Variants in PRKG1 observed in about 807,000 individuals in gnomAD.
PRKG1 encodes protein kinase cGMP-dependent 1, also known as cGMP-dependent protein kinase 1.
A neutral mutation model predicts 88.1 loss-of-function variants in PRKG1; 35 were observed. That is an observed-to-expected ratio of 0.40 (90% CI 0.30 to 0.53). The LOEUF (loss-of-function observed/expected upper bound fraction) is 0.53. Ranked by LOEUF, PRKG1 falls within the 20% of genes least tolerant of loss-of-function variation. PRKG1 has a pLI of 0.59. For synonymous variants in PRKG1, 303 were observed against 292.5 expected (o/e 1.04, Z -0.37); for missense variants, 540 against 839.8 (o/e 0.64, Z 4.41).
At chr10:51,368,717 G>A (rs1321871765) in intron 2 of PRKG1, among the ~76,000 whole-genome samples, 1 of 152,034 alleles carries the variant, frequency 6.6e-6, no homozygotes, top group Non-Finnish European at 1.5e-5. Flanking sequence ...TAGAATGTAG[G>A]ACATCTTCAG....
intron 3 of PRKG1, among the ~76,000 whole-genome samples, chr10:51,556,711 G>T (rs904791475): frequency 3.9e-5 from 6 of 151,924 alleles, no homozygotes; most frequent in Admixed American, 6.6e-5. Context: ...TAGACACTGG[G>T]AACTACCAGA....
intron 2 of PRKG1, among the ~76,000 whole-genome samples, chr10:51,438,139 A>G (rs527877958): frequency 6.6e-6 from 1 of 151,888 alleles, no homozygotes; most frequent in South Asian, 2.1e-4. Flanking sequence ...TTTGGAAAGC[A>G]CTGGATGCAA....
chr10:51,873,528 C>CTTTT (rs10713819), intron 4 of PRKG1, among the ~76,000 whole-genome samples: 1 of 131,616 alleles, frequency 7.6e-6, no homozygotes, highest in African/African-American at 2.9e-5. Flanking sequence ...AATAAATAAT[C>CTTTT]TTTTTTTTTT....
chr10:51,089,083 A>G (rs1278767675), intron 1 of PRKG1, among the ~76,000 whole-genome samples: 2 of 152,114 alleles, frequency 1.3e-5, no homozygotes. Flanking sequence ...CTGCCCTCTG[A>G]AGGCATTTCC....
chr10:51,597,535 C>G (rs1335022282), intron 3 of PRKG1, among the ~76,000 whole-genome samples: 1 of 152,146 alleles, frequency 6.6e-6, no homozygotes, highest in African/African-American at 2.4e-5. Flanking sequence ...CTTCATAAAT[C>G]AATTTTTAAA....
intron 2 of PRKG1, among the ~76,000 whole-genome samples, chr10:51,421,052 A>G (rs1429248500): frequency 2.6e-5 from 4 of 152,204 alleles, no homozygotes; most frequent in African/African-American, 9.6e-5. Flanking sequence ...TCAACATGAG[A>G]TTTGGGCAGG....
At chr10:51,173,313 A>T (rs1837094920) in intron 2 of PRKG1, among the ~76,000 whole-genome samples, 2 of 152,106 alleles carry the variant, frequency 1.3e-5, no homozygotes, top group Middle Eastern at 3.4e-3. Flanking sequence ...ACTTCTGTTG[A>T]AGTATAATAA....
intron 9 of PRKG1, among the ~76,000 whole-genome samples, chr10:52,239,077 A>G (rs1840773270): frequency 8.6e-6 from 1 of 116,138 alleles, no homozygotes; most frequent in Non-Finnish European, 1.8e-5. Flanking sequence ...AAGAACAAAA[A>G]ACCAAACACC....
intron 5 of PRKG1, among the ~76,000 whole-genome samples, chr10:51,926,102 A>C (rs1481847590): frequency 2.0e-5 from 3 of 152,204 alleles, no homozygotes; most frequent in Non-Finnish European, 2.9e-5. Flanking sequence ...CATCACAAAA[A>C]TCAATACATC....
chr10:52,132,854 T>A (rs1179789939), intron 7 of PRKG1, among the ~76,000 whole-genome samples: 1 of 152,040 alleles, frequency 6.6e-6, no homozygotes, highest in Admixed American at 6.6e-5. Context: ...TAGTAGGGAG[T>A]ACATGAGATG....
At chr10:52,006,570 C>T (rs1319265923) in intron 5 of PRKG1, among the ~76,000 whole-genome samples, 1 of 151,784 alleles carries the variant, frequency 6.6e-6, no homozygotes, top group Non-Finnish European at 1.5e-5. Flanking sequence ...TCAGTCAGAC[C>T]AAAATGAAGA....
intron 2 of PRKG1, among the ~76,000 whole-genome samples, chr10:51,232,492 G>C (rs981481835): frequency 2.0e-5 from 3 of 152,016 alleles, no homozygotes; most frequent in African/African-American, 7.2e-5. Context: ...TATGCGATGT[G>C]TGTTTAAATT....
At chr10:51,143,706 T>C (rs1845876052) in intron 1 of PRKG1, among the ~76,000 whole-genome samples, 2 of 152,144 alleles carry the variant, frequency 1.3e-5, no homozygotes, top group Non-Finnish European at 2.9e-5. Context: ...TGATTTGCAT[T>C]TTCCTGAAGA....
chr10:51,905,013 C>G (rs1842055128), intron 4 of PRKG1, among the ~76,000 whole-genome samples: 1 of 152,108 alleles, frequency 6.6e-6, no homozygotes, highest in African/African-American at 2.4e-5. Context: ...ATGAGAAAAA[C>G]TCAGTTCTAG....
chr10:51,253,700 C>T (rs1037541811), intron 2 of PRKG1, among the ~76,000 whole-genome samples: 10 of 151,812 alleles, frequency 6.6e-5, no homozygotes, highest in African/African-American at 1.7e-4. Context: ...ACCATTGCTT[C>T]GACTTAGTAT....
intron 1 of PRKG1, among the ~76,000 whole-genome samples, chr10:51,042,529 G>A (rs1379120523): frequency 6.6e-6 from 1 of 152,160 alleles, no homozygotes; most frequent in Non-Finnish European, 1.5e-5. Flanking sequence ...TCCAAGTTTG[G>A]TTTTTAAATT....
At chr10:51,591,079 A>G (rs1008249554) in intron 3 of PRKG1, among the ~76,000 whole-genome samples, 6 of 152,180 alleles carry the variant, frequency 3.9e-5, no homozygotes, top group Non-Finnish European at 8.8e-5. Flanking sequence ...ACACACAAGG[A>G]ACAGTAGAAA....
intron 3 of PRKG1, among the ~76,000 whole-genome samples, chr10:51,760,175 T>A (rs908549084): frequency 6.6e-6 from 1 of 152,244 alleles, no homozygotes; most frequent in African/African-American, 2.4e-5. Context: ...ATGATATAAA[T>A]GTTTCTCAAT....
intron 3 of PRKG1, among the ~76,000 whole-genome samples, chr10:51,509,900 T>C (rs933633600): frequency 6.6e-6 from 1 of 152,148 alleles, no homozygotes; most frequent in Non-Finnish European, 1.5e-5. Flanking sequence ...TTCAAGATGA[T>C]GCACTGTGGT....
Sources: allele counts gnomAD v4.1 joint callset (sites outside exome capture counted in the v4.1 genomes callset), GRCh38; gene constraint gnomAD v4.1.1; transcripts MANE v1.5; gene names NCBI Gene and HGNC (gene_info 2026-07-23, HGNC 2026-07-21).